CNTNAP4: variants seen among roughly 807,000 people sequenced by gnomAD.
The protein encoded by CNTNAP4 is contactin-associated protein-like 4.
CNTNAP4 carries 98 observed loss-of-function variants against 148.4 expected under a neutral mutation model. The observed-to-expected ratio is 0.66, with a 90% confidence interval of 0.56 to 0.78. The LOEUF is 0.78. Among genes scored for constraint, CNTNAP4 ranks in the 30% least tolerant of loss-of-function variants. CNTNAP4 has a pLI of 0.00. For missense variants in CNTNAP4, 1,935 were observed against 1,565.6 expected (o/e 1.24, Z -3.98); for synonymous variants, 730 against 565.1 (o/e 1.29, Z -4.14).
At chr16:76,534,547 G>A (rs1303590902) in intron 17 of CNTNAP4, among the ~76,000 whole-genome samples, 1 of 152,100 alleles carries the variant, frequency 6.6e-6, no homozygotes, top group Non-Finnish European at 1.5e-5. Context: ...ATTAACTTAA[G>A]AGTATTCCTG....
intron 3 of CNTNAP4, among the ~76,000 whole-genome samples, chr16:76,373,985 G>A (rs2015150793): frequency 1.3e-5 from 2 of 151,648 alleles, no homozygotes; most frequent in African/African-American, 4.8e-5. Flanking sequence ...AAATCAGAGA[G>A]ATAAGAGATA....
chr16:76,530,552 A>G (rs374712474), intron 17 of CNTNAP4, among the ~76,000 whole-genome samples: 2 of 152,016 alleles, frequency 1.3e-5, no homozygotes, highest in African/African-American at 4.8e-5. Context: ...CAAACTAGAG[A>G]CTCGCTCTGG....
At chr16:76,311,190 C>T (rs1961065935) in intron 1 of CNTNAP4, among the ~76,000 whole-genome samples, 1 of 152,146 alleles carries the variant, frequency 6.6e-6, no homozygotes, top group East Asian at 1.9e-4. Flanking sequence ...GAGAATTATG[C>T]ATTAAAGCCA....
At chr16:76,393,428 G>A (rs2078094189) in intron 3 of CNTNAP4, among the ~76,000 whole-genome samples, 1 of 152,138 alleles carries the variant, frequency 6.6e-6, no homozygotes, top group Non-Finnish European at 1.5e-5. Context: ...CTATCATTTT[G>A]GAATTTATAT....
intron 3 of CNTNAP4, among the ~76,000 whole-genome samples, chr16:76,396,292 C>T (rs2078202107): frequency 6.6e-6 from 1 of 152,178 alleles, no homozygotes; most frequent in African/African-American, 2.4e-5. Flanking sequence ...GTAACAGTTA[C>T]TGCTGCTGCT....
At chr16:76,500,267 G>A (rs1286736224) in intron 15 of CNTNAP4, among the ~76,000 whole-genome samples, 1 of 152,154 alleles carries the variant, frequency 6.6e-6, no homozygotes, top group African/African-American at 2.4e-5. Context: ...CTGGCCGGGC[G>A]GGGGCTGTAT....
intron 3 of CNTNAP4, among the ~76,000 whole-genome samples, chr16:76,393,674 G>T (rs551554805): frequency 1.4e-4 from 21 of 151,714 alleles, no homozygotes; most frequent in Non-Finnish European, 2.8e-4. Flanking sequence ...GGAGGATGAA[G>T]ACATTCCTGG....
intron 3 of CNTNAP4, among the ~76,000 whole-genome samples, chr16:76,408,821 A>C (rs141967730): frequency 6.6e-6 from 1 of 152,094 alleles, no homozygotes; most frequent in African/African-American, 2.4e-5. Context: ...AGGACTATTG[A>C]TTTCAGAGTC....
chr16:76,373,536 A>G (rs1026798711), intron 3 of CNTNAP4, among the ~76,000 whole-genome samples: 10 of 152,160 alleles, frequency 6.6e-5, no homozygotes, highest in African/African-American at 1.4e-4. Flanking sequence ...TAGAAGAGCC[A>G]TGGTTTTAGG....
chr16:76,387,820 C>T (rs565925754), intron 3 of CNTNAP4, among the ~76,000 whole-genome samples: 11 of 152,208 alleles, frequency 7.2e-5, no homozygotes, highest in African/African-American at 2.6e-4. Flanking sequence ...TATTTTACTT[C>T]CTAGTATATA....
chr16:76,302,866 C>G (rs1178570844), intron 1 of CNTNAP4, among the ~76,000 whole-genome samples: 1 of 152,102 alleles, frequency 6.6e-6, no homozygotes, highest in East Asian at 1.9e-4. Flanking sequence ...GGGCTCTATG[C>G]CACGATGCTG....
rs1363567863 is a variant in CNTNAP4 at position 76,535,606 on chromosome 16, G to T, written c.2817G>T (p.Gly939=). The change falls in exon 18 of 24, where the codon GGG becomes GGT. Residue 939 remains glycine (G), a synonymous_variant. Transcript: ENST00000611870. ...GCATTCGGTCTCTGCAGTTGAATGG[G>T]ATGACCCTGGATTTGGAAGAAAGAG... ...LGCIRSLQLN[G]MTLDLEERAQ... 1 of 1,613,296 alleles carries T rather than the reference G, an allele frequency of 6.2e-7. No individual in the cohort carries two copies. The highest frequency in any genetic ancestry group is 2.2e-5 in the East Asian group (1 of 44,876).
At chr16:76,349,685 A>G (rs1965213738) in intron 2 of CNTNAP4, among the ~76,000 whole-genome samples, 1 of 152,182 alleles carries the variant, frequency 6.6e-6, no homozygotes, top group African/African-American at 2.4e-5. Context: ...CTTTCTTATG[A>G]CAATTTTAAT....
At chr16:76,470,718 C>G (rs542878094) in intron 10 of CNTNAP4, among the ~76,000 whole-genome samples, 13 of 149,164 alleles carry the variant, frequency 8.7e-5, no homozygotes, top group Admixed American at 8.1e-4. Flanking sequence ...CTGACGGGAA[C>G]TTAAAATAAT....
rs894874402 is a variant in CNTNAP4 at position 76,448,209 on chromosome 16, A to G, written c.736A>G (p.Asn246Asp). The change falls in exon 5 of 24, where the codon AAT (asparagine) becomes GAT (aspartate). Residue 246 changes from asparagine to aspartate, a missense_variant. Asn to Asp is a conservative substitution (Grantham distance 23). Transcript: ENST00000611870. ...AAGAGCAAGACTCTTTTTACTTATTAATTCAGGTAAAACTATTCGGTGAAG... is the reference window on the plus strand; with the variant it reads ...AAGAGCAAGACTCTTTTTACTTATTGATTCAGGTAAAACTATTCGGTGAAG... ...LRRARLFLLINSGEAKLPSTS... is the reference protein window; with the variant it reads ...LRRARLFLLIDSGEAKLPSTS... 1.9e-6 allele frequency: 3 copies of G among 1,605,784 alleles called. No homozygotes were observed. The African/African-American group carries it at 4.0e-5, about 22-fold the overall frequency.
chr16:76,499,313 A>C (rs891529905), intron 15 of CNTNAP4, among the ~76,000 whole-genome samples: 2 of 152,174 alleles, frequency 1.3e-5, no homozygotes, highest in East Asian at 3.9e-4. Context: ...TGACATGATT[A>C]AAGTCCATTC....
intron 2 of CNTNAP4, among the ~76,000 whole-genome samples, chr16:76,334,301 G>T (rs758583201): frequency 3.2e-4 from 48 of 151,840 alleles, no homozygotes; most frequent in Non-Finnish European, 6.2e-4. Flanking sequence ...AGAAACTAGT[G>T]GAAAAAAAGC....
At chr16:76,301,254 G>C (rs963358115) in intron 1 of CNTNAP4, among the ~76,000 whole-genome samples, 4 of 152,058 alleles carry the variant, frequency 2.6e-5, no homozygotes, top group Non-Finnish European at 4.4e-5. Context: ...ACAAATGGTG[G>C]CTACTTGTAA....
intron 2 of CNTNAP4, among the ~76,000 whole-genome samples, chr16:76,353,404 G>T (rs1295061627): frequency 3.9e-5 from 6 of 152,148 alleles, no homozygotes; most frequent in African/African-American, 1.2e-4. Flanking sequence ...GCAGTTTGTT[G>T]TAATGCAATT....
Sources: allele counts gnomAD v4.1 joint callset (sites outside exome capture counted in the v4.1 genomes callset), GRCh38; gene constraint gnomAD v4.1.1; transcripts MANE v1.5; gene names NCBI Gene and HGNC (gene_info 2026-07-23, HGNC 2026-07-21).